Variants in ARID4A observed in about 807,000 individuals in gnomAD.
ARID4A encodes the protein AT-rich interactive domain-containing protein 4A.
ARID4A carries 39 observed loss-of-function variants against 148.6 expected under a neutral mutation model. The ratio of observed to expected loss-of-function variants is 0.26; its 90% CI spans 0.20 to 0.34. The LOEUF (loss-of-function observed/expected upper bound fraction) is 0.34. Among genes scored for constraint, ARID4A ranks in the 10% least tolerant of loss-of-function variants. The pLI, the probability that ARID4A is intolerant of heterozygous loss-of-function variation, is 1.00. For missense variants in ARID4A, 1,265 were observed against 1,449.1 expected, an observed-to-expected ratio of 0.87 and a Z score of 2.06; for synonymous variants, 475 against 481.2, an observed-to-expected ratio of 0.99 and a Z score of 0.17.
At position 58,317,624 on chromosome 14, in the gene ARID4A, C is replaced by CTTTTTT. The variant is rs71107933; in HGVS notation, c.275-899_275-894dup. Among the ~76,000 whole-genome samples the CTTTTTT allele has an allele frequency of 1.4e-3, 100 of 69,868 alleles. 7 individuals are homozygous for CTTTTTT. Among genetic ancestry groups the CTTTTTT allele is most frequent in the African/African-American group, 5.0e-3 (80 of 15,886 alleles). 45.8% of individuals were successfully genotyped at this position (69,868 alleles called of 152,430 possible). ...TTTTTAAAAAAACCTTTATATTTGT[C>CTTTTTT]TTTTTTTTTTTTTTTTTTTTTTTTG... On this transcript the variant is annotated intron_variant, in intron 5 of 23. Transcript: ENST00000355431.
intron 17 of ARID4A, among the ~76,000 whole-genome samples, chr14:58,356,283 A>G (rs1409800568): frequency 6.6e-6 from 1 of 152,218 alleles, no homozygotes; most frequent in African/African-American, 2.4e-5. Context: ...ATGGAATTGG[A>G]TAGAGTTATC....
At chr14:58,343,049 T>G (rs2034189648) in intron 11 of ARID4A, among the ~76,000 whole-genome samples, 1 of 152,236 alleles carries the variant, frequency 6.6e-6, no homozygotes, top group African/African-American at 2.4e-5. Flanking sequence ...TAGAAGTTCT[T>G]AAAATTAATG....
chr14:58,358,187 T>C (rs1184733581), intron 17 of ARID4A, among the ~76,000 whole-genome samples: 2 of 150,382 alleles, frequency 1.3e-5, no homozygotes, highest in Non-Finnish European at 3.0e-5. Context: ...CTAAAAAAAT[T>C]GCCGGGTCCA....
At chr14:58,343,888 CT>C (rs2034231552) in intron 11 of ARID4A, among the ~76,000 whole-genome samples, 1 of 151,612 alleles carries the variant, frequency 6.6e-6, no homozygotes, top group Non-Finnish European at 1.5e-5. Flanking sequence ...GAGTAATACT[CT>C]AAGTTATGAT....
intron 5 of ARID4A, among the ~76,000 whole-genome samples, chr14:58,317,873 C>T (rs892135548): frequency 6.6e-6 from 1 of 151,662 alleles, no homozygotes; most frequent in South Asian, 2.1e-4. Context: ...GTGGTTGATG[C>T]CTGTAATCCG....
At chr14:58,359,849 G>A (rs979076272) in intron 18 of ARID4A, among the ~76,000 whole-genome samples, 4 of 152,026 alleles carry the variant, frequency 2.6e-5, no homozygotes, top group African/African-American at 4.8e-5. Context: ...GGCGGATCAC[G>A]AGGTCAGGAG....
At chr14:58,308,605 G>A (rs1304326960) in intron 5 of ARID4A, among the ~76,000 whole-genome samples, 1 of 152,178 alleles carries the variant, frequency 6.6e-6, no homozygotes, top group Non-Finnish European at 1.5e-5. Context: ...ATCACATAAA[G>A]AATGATCAGA....
chr14:58,368,093 C>T (rs990658777), intron 23 of ARID4A, among the ~76,000 whole-genome samples: 2 of 152,052 alleles, frequency 1.3e-5, no homozygotes, highest in African/African-American at 4.8e-5. Flanking sequence ...AATAGATTAA[C>T]TTAAAAGAGA....
rs1229790348 is a variant in ARID4A, at chr14:58,365,136, C to G, written c.3047C>G (p.Ser1016Cys). Residue 1016 changes from serine (S) to cysteine (C), a missense_variant, in exon 20 of 24, where the codon TCT (serine) becomes TGT (cysteine). Coordinates refer to ENST00000355431, the MANE Select transcript of ARID4A (RefSeq NM_002892.4). The stretch of plus-strand genomic sequence containing the variant: ...CCACTTACTCTTAGTCAAGATGAGT[C>G]TCGAAGCGTAAAAAGTGAGAGTGAT... ...ASPLTLSQDE[S>C]RSVKSESDIT... is the part of the protein sequence containing the mutation. 4 of 1,613,934 alleles carry G rather than the reference C, an allele frequency of 2.5e-6. No individual in the cohort carries two copies. The African/African-American group carries it at 4.0e-5, about 16-fold the overall frequency.
In ARID4A at chr14:58,299,793, C is replaced by G; in HGVS notation, c.-57-5C>G. 1 of 1,613,242 alleles carries G rather than the reference C, an allele frequency of 6.2e-7. No homozygotes were observed. The highest frequency in any genetic ancestry group is 8.5e-7 in the Non-Finnish European group (1 of 1,179,138). On this transcript the variant is annotated splice_region_variant and splice_polypyrimidine_tract_variant and intron_variant, in intron 1 of 23. Coordinates refer to ENST00000355431, the MANE Select transcript of ARID4A (RefSeq NM_002892.4). ...GTCTGTGCCTGTCTTTCCCCCTCCC[C>G]ATAGTTCTAGCGACTGCGAAGATAG...
intron 8 of ARID4A, among the ~76,000 whole-genome samples, chr14:58,326,546 A>C (rs1594901206): frequency 6.6e-6 from 1 of 152,366 alleles, no homozygotes; most frequent in Admixed American, 6.5e-5. Flanking sequence ...AGCTGTGAAC[A>C]TAATTTGAAT....
intron 21 of ARID4A, 151 bp from the exon 22 acceptor site, chr14:58,365,873 G>GT (rs1279134698): frequency 3.4e-5 from 27 of 794,758 alleles, no homozygotes; most frequent in African/African-American, 1.8e-4. Context: ...AGGTTTTTTT[G>GT]TTTTTTTGTT....
intron 15 of ARID4A, among the ~76,000 whole-genome samples, chr14:58,349,452 C>T (rs533813122): frequency 6.6e-6 from 1 of 151,294 alleles, no homozygotes; most frequent in South Asian, 2.1e-4. Context: ...CGAGACCAGC[C>T]TCGCCAATAT....
At chr14:58,304,701 A>G (rs950000281) in intron 3 of ARID4A, among the ~76,000 whole-genome samples, 6 of 152,076 alleles carry the variant, frequency 3.9e-5, no homozygotes, top group African/African-American at 1.4e-4. Context: ...CATTTAGTAA[A>G]CAGTTATTAA....
chr14:58,300,630 G>C (rs558618741), intron 2 of ARID4A, among the ~76,000 whole-genome samples: 1 of 151,974 alleles, frequency 6.6e-6, no homozygotes. Flanking sequence ...CTTTCTCGTG[G>C]TTTTCTATTT....
chr14:58,332,441 TTTTCTC>T (rs1246704540), intron 11 of ARID4A, among the ~76,000 whole-genome samples: 2 of 152,172 alleles, frequency 1.3e-5, no homozygotes, highest in East Asian at 1.9e-4. Flanking sequence ...AACTAATTCT[TTTTCTC>T]TGGCCATACA....
At position 58,365,641 on chromosome 14, in the gene ARID4A, T is replaced by C; in HGVS notation, c.3316+19T>C. 3 of 1,595,284 alleles carry C rather than the reference T, an allele frequency of 1.9e-6. No homozygotes were observed. Among genetic ancestry groups the C allele is most frequent in the East Asian group, 4.5e-5 (2 of 44,690 alleles). On this transcript the variant is annotated intron_variant, in intron 21 of 23. Transcript: ENST00000355431. ...GGAACAGGTTGGTGTCTTTCAATGCTAGCTTTTGTATAGTGTTAGTATTTT... is the reference window on the plus strand; with the variant it reads ...GGAACAGGTTGGTGTCTTTCAATGCCAGCTTTTGTATAGTGTTAGTATTTT...
chr14:58,301,752 G>A, intron 3 of ARID4A, 62 bp downstream of exon 3: 2 of 1,265,100 alleles, frequency 1.6e-6, no homozygotes, highest in Non-Finnish European at 2.3e-6. Flanking sequence ...TGGGGAGAGA[G>A]AGACTGCAAA....
chr14:58,328,122 T>G, intron 8 of ARID4A, 115 bp from the exon 9 acceptor site: 1 of 720,666 alleles, frequency 1.4e-6, no homozygotes, highest in Non-Finnish European at 2.3e-6. Context: ...GAAGCTGTTT[T>G]TTGTAAAATA....
Sources: gnomAD v4.1 joint callset for allele counts (sites outside exome capture counted in the v4.1 genomes callset) on GRCh38, gnomAD v4.1.1 for gene constraint, MANE v1.5 for transcripts, NCBI Gene and HGNC (gene_info 2026-07-23, HGNC 2026-07-21) for gene names.